The following RBFOX1 variants were observed in gnomAD, a reference collection of about 807,000 sequenced individuals.
The protein encoded by RBFOX1 is RNA binding fox-1 homolog 1.
A neutral mutation model predicts 57.7 loss-of-function variants in RBFOX1; 8 were observed. That is an observed-to-expected ratio of 0.14 (90% CI 0.08 to 0.25). RBFOX1 has a LOEUF of 0.25. RBFOX1 is among the 10% of genes least tolerant of loss of function. RBFOX1 has a pLI of 1.00. For synonymous variants in RBFOX1, 326 were observed against 222.4 expected (o/e 1.47, Z -4.15); for missense variants, 611 against 548.5 (o/e 1.11, Z -1.14).
intron 2 of RBFOX1, among the ~76,000 whole-genome samples, chr16:6,538,621 A>C (rs1168857789): frequency 6.6e-6 from 1 of 152,206 alleles, no homozygotes; most frequent in Non-Finnish European, 1.5e-5. Context: ...GAGAAACTGA[A>C]ATTCTCAAAT....
At chr16:5,799,555 C>G (rs2054991292) in intron 3 of RBFOX1, among the ~76,000 whole-genome samples, 1 of 151,966 alleles carries the variant, frequency 6.6e-6, no homozygotes, top group African/African-American at 2.4e-5. Context: ...TTTTCACTTT[C>G]AGTACAGTAT....
intron 2 of RBFOX1, among the ~76,000 whole-genome samples, chr16:6,481,411 C>A (rs769300915): frequency 6.6e-6 from 1 of 152,176 alleles, no homozygotes; most frequent in Non-Finnish European, 1.5e-5. Context: ...ATTAAATGGC[C>A]ACATGTGCTG....
At chr16:7,187,108 G>A (rs919396254) in intron 4 of RBFOX1, among the ~76,000 whole-genome samples, 15 of 151,788 alleles carry the variant, frequency 9.9e-5, no homozygotes, top group African/African-American at 3.6e-4. Flanking sequence ...GGTCAGGGCT[G>A]CAGTGAGCCA....
intron 2 of RBFOX1, among the ~76,000 whole-genome samples, chr16:5,520,654 C>T (rs1597382434): frequency 6.6e-6 from 1 of 152,204 alleles, no homozygotes; most frequent in Admixed American, 6.5e-5. Flanking sequence ...TCTATTTGCT[C>T]TCTCTTCTGA....
exon 3 of RBFOX1, chr16:5,599,208 A>C (rs2047285592): frequency 1.4e-6 from 1 of 700,714 alleles, no homozygotes; most frequent in Non-Finnish European, 2.6e-6. Flanking sequence ...AAAAAAGACC[A>C]GGCCCACTTG....
chr16:6,386,861 T>C (rs1446672817), intron 2 of RBFOX1, among the ~76,000 whole-genome samples: 2 of 152,082 alleles, frequency 1.3e-5, no homozygotes, highest in African/African-American at 4.8e-5. Flanking sequence ...AAGGGAAGTA[T>C]GGGTGGTGAG....
chr16:7,010,974 T>G (rs1485592931), intron 3 of RBFOX1, among the ~76,000 whole-genome samples: 1 of 152,224 alleles, frequency 6.6e-6, no homozygotes, highest in Non-Finnish European at 1.5e-5. Context: ...AATTAACTAC[T>G]TAGGCTGTTC....
At chr16:6,480,527 A>T (rs1207634153) in intron 2 of RBFOX1, among the ~76,000 whole-genome samples, 1 of 152,234 alleles carries the variant, frequency 6.6e-6, no homozygotes, top group African/African-American at 2.4e-5. Flanking sequence ...AAAACTATTT[A>T]AAGTATCAAA....
intron 3 of RBFOX1, among the ~76,000 whole-genome samples, chr16:6,734,682 T>C (rs1274817500): frequency 6.6e-6 from 1 of 152,206 alleles, no homozygotes; most frequent in Non-Finnish European, 1.5e-5. Context: ...TTTTATCTTA[T>C]TTGTGAGGGA....
chr16:6,564,678 C>G (rs1386252510), intron 2 of RBFOX1, among the ~76,000 whole-genome samples: 1 of 152,064 alleles, frequency 6.6e-6, no homozygotes, highest in East Asian at 1.9e-4. Context: ...TCAAAACACA[C>G]AAATTTCAGT....
At chr16:7,608,625 G>C (rs531276755) in intron 10 of RBFOX1, among the ~76,000 whole-genome samples, 26 of 152,228 alleles carry the variant, frequency 1.7e-4, no homozygotes, top group African/African-American at 5.5e-4. Flanking sequence ...ACACAGCTCG[G>C]GTTCAAATTC....
chr16:5,863,854 A>C (rs1021991350), intron 3 of RBFOX1, among the ~76,000 whole-genome samples: 16 of 152,174 alleles, frequency 1.1e-4, no homozygotes, highest in African/African-American at 3.9e-4. Flanking sequence ...CCTCTTTAAT[A>C]AGAAAAAAAT....
At chr16:6,677,712 T>A (rs546118874) in intron 3 of RBFOX1, among the ~76,000 whole-genome samples, 1 of 152,206 alleles carries the variant, frequency 6.6e-6, no homozygotes, top group Non-Finnish European at 1.5e-5. Context: ...CATGAAATCC[T>A]TTTTTCCTCT....
chr16:5,981,689 G>T (rs915782347), intron 4 of RBFOX1, among the ~76,000 whole-genome samples: 10 of 152,074 alleles, frequency 6.6e-5, no homozygotes, highest in Admixed American at 5.2e-4. Context: ...GTCTGGTCTT[G>T]AACTCCTGAC....
At chr16:7,055,770 A>G (rs2051982207) in intron 4 of RBFOX1, among the ~76,000 whole-genome samples, 1 of 152,168 alleles carries the variant, frequency 6.6e-6, no homozygotes, top group Non-Finnish European at 1.5e-5. Context: ...GGAAGCAGAA[A>G]ATGCACTCCA....
intron 3 of RBFOX1, among the ~76,000 whole-genome samples, chr16:5,653,331 G>A (rs2049310101): frequency 6.6e-6 from 1 of 151,550 alleles, no homozygotes; most frequent in Non-Finnish European, 1.5e-5. Flanking sequence ...TGAGTTGTGT[G>A]CTGGGCCTTT....
chr16:6,067,860 C>G (rs1472372036), intron 1 of RBFOX1, among the ~76,000 whole-genome samples: 2 of 152,198 alleles, frequency 1.3e-5, no homozygotes, highest in Admixed American at 6.5e-5. Context: ...ACTAAGCTTT[C>G]TAGACACTTA....
At chr16:6,023,065 G>C (rs1252261403) in intron 1 of RBFOX1, among the ~76,000 whole-genome samples, 3 of 152,052 alleles carry the variant, frequency 2.0e-5, no homozygotes, top group Admixed American at 1.3e-4. Flanking sequence ...GGGAAATGAG[G>C]ATTTGCTGAT....
intron 2 of RBFOX1, among the ~76,000 whole-genome samples, chr16:6,384,790 T>A (rs1022514025): frequency 6.6e-6 from 1 of 152,236 alleles, no homozygotes; most frequent in African/African-American, 2.4e-5. Context: ...TTCTCCGATC[T>A]GATATAGCCA....
Sources: allele counts gnomAD v4.1 joint callset (sites outside exome capture counted in the v4.1 genomes callset), GRCh38; gene constraint gnomAD v4.1.1; transcripts MANE v1.5; gene names NCBI Gene and HGNC (gene_info 2026-07-23, HGNC 2026-07-21).